The following ARMC2 variants were observed in gnomAD, a reference collection of about 807,000 sequenced individuals.
ARMC2 encodes armadillo repeat containing 2.
A neutral mutation model predicts 90.3 loss-of-function variants in ARMC2; 67 were observed. That is an observed-to-expected ratio of 0.74 (90% CI 0.61 to 0.91). The LOEUF is 0.91. Ranked by LOEUF, ARMC2 falls within the 40% of genes least tolerant of loss-of-function variation. ARMC2 has a pLI of 0.00. For synonymous variants in ARMC2, 393 were observed against 393.0 expected, an observed-to-expected ratio of 1.00 and a Z score of 0.00; for missense variants, 920 against 1,030.9, an observed-to-expected ratio of 0.89 and a Z score of 1.47.
the ARMC2 span, among the ~76,000 whole-genome samples, chr6:109,002,813 A>G: frequency 6.6e-6 from 1 of 152,258 alleles, no homozygotes; most frequent in Admixed American, 6.5e-5. Context: ...TCACGGTTAG[A>G]ATGTAAATTT....
chr6:109,013,584 T>C, the ARMC2 span, among the ~76,000 whole-genome samples: 1 of 152,252 alleles, frequency 6.6e-6, no homozygotes, highest in Non-Finnish European at 1.5e-5. Context: ...TTAAAAGGCA[T>C]AATCATACTT....
the ARMC2 span, among the ~76,000 whole-genome samples, chr6:109,033,147 G>A: frequency 6.6e-6 from 1 of 152,122 alleles, no homozygotes; most frequent in Non-Finnish European, 1.5e-5. Context: ...GATTTTAGAA[G>A]ATTAAGAGAA....
chr6:108,906,991 G>A (rs918335254), intron 8 of ARMC2, among the ~76,000 whole-genome samples: 12 of 152,160 alleles, frequency 7.9e-5, no homozygotes, highest in African/African-American at 2.9e-4. Flanking sequence ...TTGCATAAAT[G>A]TAAGATTTTA....
chr6:109,027,977 A>G, the ARMC2 span, among the ~76,000 whole-genome samples: 1 of 152,054 alleles, frequency 6.6e-6, no homozygotes, highest in Non-Finnish European at 1.5e-5. Context: ...ACTTTGATAT[A>G]TGTGTTATAA....
chr6:108,928,108 CTTGGT>C lies in ARMC2; in HGVS notation c.1373_1377del (p.Leu458Ter). ...CCTAGGTGACTGCTACATTGAGAAACTTGGTTGATTCATCATTAGTAAGAAGTAAG... is the reference window on the plus strand; with the variant it reads ...CCTAGGTGACTGCTACATTGAGAAACTGATTCATCATTAGTAAGAAGTAAG... On this transcript the variant is annotated frameshift_variant, in exon 11 of 18. Coordinates refer to ENST00000392644, the MANE Select transcript of ARMC2 (RefSeq NM_032131.6). LOFTEE classifies it high-confidence loss of function. The C allele has an allele frequency of 6.2e-7, 1 of 1,604,822 alleles. No individual in the cohort carries two copies. The highest frequency in any genetic ancestry group is 8.5e-7 in the Non-Finnish European group (1 of 1,177,422).
At chr6:108,886,079 T>C (rs553188562) in intron 5 of ARMC2, among the ~76,000 whole-genome samples, 1 of 152,350 alleles carries the variant, frequency 6.6e-6, no homozygotes, top group Non-Finnish European at 1.5e-5. Context: ...CTTTTTCTTA[T>C]GGCAAGGATA....
At chr6:108,920,060 G>A (rs1454905090) in intron 10 of ARMC2, among the ~76,000 whole-genome samples, 1 of 152,152 alleles carries the variant, frequency 6.6e-6, no homozygotes, top group Non-Finnish European at 1.5e-5. Flanking sequence ...ATATGCCATA[G>A]TTACCTAGAG....
chr6:109,007,256 A>G, the ARMC2 span, among the ~76,000 whole-genome samples: 1 of 152,322 alleles, frequency 6.6e-6, no homozygotes, highest in Non-Finnish European at 1.5e-5. Flanking sequence ...GTATGAATCA[A>G]TGTTTGTGTA....
rs115318262 is a variant in ARMC2, at chr6:108,938,174, G to A, written c.1596+1175G>A. On this transcript the variant is annotated intron_variant, in intron 12 of 17. Coordinates refer to ENST00000392644, the MANE Select transcript of ARMC2 (RefSeq NM_032131.6). ...TTCAACATCCTATAGTAAGTTTTGC[G>A]AGTTTATGGACCAAATAATTTATGT... 1.2e-3 allele frequency among the ~76,000 whole-genome samples: 180 copies of A among 152,108 alleles called. 3 individuals are homozygous for A. Among genetic ancestry groups the A allele is most frequent in the African/African-American group, 4.1e-3 (169 of 41,492 alleles).
chr6:108,879,469 C>G lies in ARMC2; in HGVS notation c.671+3119C>G, dbSNP rs1777289628. Among the ~76,000 whole-genome samples, 3 of 151,852 alleles carry G rather than the reference C, an allele frequency of 2.0e-5. No homozygotes were observed. In the South Asian group the frequency reaches 6.2e-4, roughly 32 times the overall value. ...CATTCACCCATCCCCCATCCATCCA[C>G]CCATTTATCCATTCATCCATCTATT... is the stretch of plus-strand genomic sequence containing the variant. On this transcript the variant is annotated intron_variant, in intron 5 of 17. Transcript: ENST00000392644.
At chr6:108,939,043 T>G (rs958604498) in intron 12 of ARMC2, among the ~76,000 whole-genome samples, 2 of 152,142 alleles carry the variant, frequency 1.3e-5, no homozygotes, top group African/African-American at 4.8e-5. Flanking sequence ...GGCCTGGAGC[T>G]CTTGGGCTCA....
chr6:108,927,604 G>A (rs11968122), intron 10 of ARMC2, among the ~76,000 whole-genome samples: 2,320 of 151,222 alleles, frequency 0.015, 69 homozygotes, highest in African/African-American at 0.054. Flanking sequence ...TTGTCTCTTG[G>A]GAGAGAATGA....
intron 6 of ARMC2, among the ~76,000 whole-genome samples, chr6:108,895,479 T>C (rs1771507794): frequency 1.7e-5 from 1 of 59,938 alleles, no homozygotes; most frequent in African/African-American, 5.9e-5. Context: ...GCGAGACTCA[T>C]CTCAAAAAAA....
At chr6:108,909,306 G>GA (rs11483949) in intron 8 of ARMC2, among the ~76,000 whole-genome samples, 5,619 of 151,978 alleles carry the variant, frequency 0.037, 233 homozygotes, top group East Asian at 0.2. Flanking sequence ...TGCTTAATAT[G>GA]ATAGTATTGA....
chr6:108,908,379 C>T (rs1031836014), intron 8 of ARMC2, among the ~76,000 whole-genome samples: 2 of 152,240 alleles, frequency 1.3e-5, no homozygotes, highest in African/African-American at 4.8e-5. Flanking sequence ...GTGTCTTCTG[C>T]AGTGAGCAGC....
intron 2 of ARMC2, among the ~76,000 whole-genome samples, chr6:108,856,000 C>T (rs1160679076): frequency 1.3e-5 from 2 of 152,190 alleles, no homozygotes. Flanking sequence ...TGCTCTGCAG[C>T]TTTTCTTCTT....
chr6:108,876,471 A>T (rs1776950331), intron 5 of ARMC2, 121 bp downstream of exon 5: 1 of 969,264 alleles, frequency 1.0e-6, no homozygotes, highest in Non-Finnish European at 1.5e-6. Flanking sequence ...ATTTTATGTT[A>T]AGGGTACATG....
chr6:108,881,565 T>G (rs1312482727), intron 5 of ARMC2, among the ~76,000 whole-genome samples: 1 of 152,178 alleles, frequency 6.6e-6, no homozygotes, highest in East Asian at 1.9e-4. Context: ...ATATGAGATC[T>G]AACGATGTAG....
chr6:108,991,270 C>T, the ARMC2 span, among the ~76,000 whole-genome samples: 1 of 151,932 alleles, frequency 6.6e-6, no homozygotes, highest in Non-Finnish European at 1.5e-5. Context: ...GAGACAAGGT[C>T]TCACTATGTT....
Sources: allele counts gnomAD v4.1 joint callset (sites outside exome capture counted in the v4.1 genomes callset), GRCh38; gene constraint gnomAD v4.1.1; transcripts MANE v1.5; gene names NCBI Gene and HGNC (gene_info 2026-07-23, HGNC 2026-07-21).